AGBL1: variants seen among roughly 807,000 people sequenced by gnomAD.
AGBL1 encodes the protein cytosolic carboxypeptidase 4.
Under a neutral mutation model 118.9 loss-of-function variants are expected in AGBL1, and 130 were observed. The ratio of observed to expected loss-of-function variants is 1.09; its 90% CI spans 0.95 to 1.26. The LOEUF (loss-of-function observed/expected upper bound fraction) is 1.26. Among genes scored for constraint, AGBL1 ranks in the 50% most tolerant of loss-of-function variants. AGBL1 has a pLI of 0.00. For missense variants in AGBL1, 1,584 were observed against 1,298.1 expected, an observed-to-expected ratio of 1.22 and a Z score of -3.38; for synonymous variants, 555 against 478.9, an observed-to-expected ratio of 1.16 and a Z score of -2.08.
intron 22 of AGBL1, among the ~76,000 whole-genome samples, chr15:86,756,649 C>T (rs977560682): frequency 2.6e-5 from 4 of 151,980 alleles, no homozygotes; most frequent in African/African-American, 9.7e-5. Context: ...TGGGGTGGAG[C>T]GTCTATAACC....
chr15:86,281,802 C>A (rs2079359467), intron 16 of AGBL1, among the ~76,000 whole-genome samples: 1 of 152,162 alleles, frequency 6.6e-6, no homozygotes, highest in African/African-American at 2.4e-5. Context: ...CCATTACATT[C>A]ACAAGCTGCT....
intron 23 of AGBL1, among the ~76,000 whole-genome samples, chr15:86,963,001 G>A (rs1055523934): frequency 2.6e-5 from 4 of 152,146 alleles, no homozygotes; most frequent in African/African-American, 7.2e-5. Context: ...CTTTTAAAAC[G>A]TGACGATTAA....
rs141557926 is a variant in AGBL1 at position 86,184,037 on chromosome 15, G to C, written c.488+25011G>C. 3.4e-3 allele frequency among the ~76,000 whole-genome samples: 522 copies of C among 152,286 alleles called. 7 individuals are homozygous for C. Among genetic ancestry groups the C allele is most frequent in the African/African-American group, 0.012 (497 of 41,556 alleles). ...TCCAGTTTGCCACAGCCACAAGCTG[G>C]TGTACACATTCCTTAAGACAGAAAG... On this transcript the variant is annotated intron_variant, in intron 5 of 22. Coordinates refer to ENST00000614907, the MANE Select transcript of AGBL1 (RefSeq NM_001386094.1).
intron 22 of AGBL1, among the ~76,000 whole-genome samples, chr15:86,872,187 A>T (rs2079739128): frequency 6.6e-6 from 1 of 152,198 alleles, no homozygotes; most frequent in Non-Finnish European, 1.5e-5. Flanking sequence ...GGGACAGAAG[A>T]GCTTGTCGCA....
intron 24 of AGBL1, among the ~76,000 whole-genome samples, chr15:86,994,255 A>AT (rs1466158465): frequency 6.6e-6 from 1 of 152,026 alleles, no homozygotes; most frequent in Non-Finnish European, 1.5e-5. Context: ...CAGAGCACTG[A>AT]TTTTCACTTG....
intron 22 of AGBL1, among the ~76,000 whole-genome samples, chr15:86,797,817 C>T (rs985271983): frequency 6.6e-6 from 1 of 152,188 alleles, no homozygotes; most frequent in Middle Eastern, 3.4e-3. Context: ...GAAGGAAGCC[C>T]TTGGAGGTGG....
At chr15:86,170,387 A>G (rs188347803) in intron 5 of AGBL1, among the ~76,000 whole-genome samples, 1 of 152,324 alleles carries the variant, frequency 6.6e-6, no homozygotes, top group East Asian at 1.9e-4. Context: ...CCCAGTACAT[A>G]TAATTTGAGC....
chr15:86,705,513 T>A (rs1183765838), intron 22 of AGBL1, among the ~76,000 whole-genome samples: 6 of 152,172 alleles, frequency 3.9e-5, no homozygotes, highest in Non-Finnish European at 7.4e-5. Flanking sequence ...GACCTCCATA[T>A]GTATTGGCTG....
At chr15:86,463,809 T>C (rs1286185537) in intron 18 of AGBL1, among the ~76,000 whole-genome samples, 1 of 152,210 alleles carries the variant, frequency 6.6e-6, no homozygotes, top group Non-Finnish European at 1.5e-5. Context: ...ATATCTGTTT[T>C]CATACCAGTT....
chr15:86,143,130 G>T (rs1268358167), intron 2 of AGBL1, among the ~76,000 whole-genome samples: 3 of 152,162 alleles, frequency 2.0e-5, no homozygotes, highest in Non-Finnish European at 4.4e-5. Flanking sequence ...GTTCGTCATA[G>T]CTCTAGACTG....
intron 15 of AGBL1, among the ~76,000 whole-genome samples, chr15:86,278,770 A>G (rs914954522): frequency 6.6e-6 from 1 of 152,208 alleles, no homozygotes; most frequent in Non-Finnish European, 1.5e-5. Flanking sequence ...TTCTCAGGAA[A>G]GCCTGTGCAG....
intron 5 of AGBL1, among the ~76,000 whole-genome samples, chr15:86,199,226 A>G (rs1256936007): frequency 6.6e-6 from 1 of 152,174 alleles, no homozygotes; most frequent in African/African-American, 2.4e-5. Flanking sequence ...GATTGTGTAG[A>G]TGTATTATAA....
chr15:86,287,599 G>A (rs2079474680), intron 16 of AGBL1, among the ~76,000 whole-genome samples: 1 of 152,110 alleles, frequency 6.6e-6, no homozygotes, highest in African/African-American at 2.4e-5. Flanking sequence ...TGAAGAAACT[G>A]TCCTTTCCCC....
chr15:86,400,051 C>G (rs139428763), intron 18 of AGBL1, among the ~76,000 whole-genome samples: 52 of 152,266 alleles, frequency 3.4e-4, no homozygotes, highest in African/African-American at 8.2e-4. Context: ...AATGCCTCAT[C>G]ATAAAAGAGC....
At chr15:86,827,938 C>CTTTTTTTTTTTTTTTTTGTTTTTTT (rs2079053033) in intron 22 of AGBL1, among the ~76,000 whole-genome samples, 1 of 16,760 alleles carries the variant, frequency 6.0e-5, no homozygotes, top group Non-Finnish European at 1.2e-4. Flanking sequence ...TGATGTAGGG[C>CTTTTTTTTTTTTTTTTTGTTTTTTT]TTTTTTTTTT....
intron 22 of AGBL1, among the ~76,000 whole-genome samples, chr15:86,716,267 A>G (rs1041197487): frequency 2.0e-5 from 3 of 151,776 alleles, no homozygotes; most frequent in Non-Finnish European, 4.4e-5. Flanking sequence ...AGTGAAGGTG[A>G]CTGCTAAATA....
At position 86,966,519 on chromosome 15, in the gene AGBL1, C is replaced by T. The variant is rs1054159847; in HGVS notation, c.3222-21468C>T. On this transcript the variant is annotated intron_variant, in intron 23 of 24. Coordinates refer to the AGBL1 transcript ENST00000441037. The stretch of plus-strand genomic sequence containing the variant: ...GGCCCTAGTGTGTGATGTTCCCCTT[C>T]CTGTGTCCAAGTCTTCTCATTGTTC... Among the ~76,000 whole-genome samples, 4 of 152,070 alleles carry T rather than the reference C, an allele frequency of 2.6e-5. No homozygotes were observed. In the East Asian group the frequency reaches 7.8e-4, roughly 29 times the overall value.
intron 18 of AGBL1, among the ~76,000 whole-genome samples, chr15:86,441,350 C>T (rs1484584196): frequency 2.0e-5 from 3 of 152,168 alleles, no homozygotes; most frequent in East Asian, 3.9e-4. Context: ...TCTTCAACAT[C>T]TCGTGCTATG....
At chr15:86,781,057 CTGA>C (rs1469878460) in intron 22 of AGBL1, among the ~76,000 whole-genome samples, 2 of 151,902 alleles carry the variant, frequency 1.3e-5, no homozygotes, top group African/African-American at 4.8e-5. Context: ...TTAACATGTT[CTGA>C]TGTTATTGTA....
Sources: gnomAD v4.1 joint callset for allele counts (sites outside exome capture counted in the v4.1 genomes callset) on GRCh38, gnomAD v4.1.1 for gene constraint, MANE v1.5 for transcripts, NCBI Gene and HGNC (gene_info 2026-07-23, HGNC 2026-07-21) for gene names.